Variants in ETFRF1 observed in about 807,000 individuals in gnomAD.
ETFRF1 encodes the protein electron transfer flavoprotein regulatory factor 1.
A neutral mutation model predicts 9.0 loss-of-function variants in ETFRF1; 12 were observed. That is an observed-to-expected ratio of 1.34 (90% CI 0.86 to 2.16). The LOEUF is 2.16. Among genes scored for constraint, ETFRF1 ranks in the 30% most tolerant of loss-of-function variants. ETFRF1 has a pLI of 0.00. For missense variants in ETFRF1, 98 were observed against 101.8 expected, an observed-to-expected ratio of 0.96 and a Z score of 0.16; for synonymous variants, 34 against 33.2, an observed-to-expected ratio of 1.02 and a Z score of -0.08.
At chr12:25,196,366 C>T (rs1394764230) in intron 1 of ETFRF1, among the ~76,000 whole-genome samples, 1 of 152,202 alleles carries the variant, frequency 6.6e-6, no homozygotes, top group Non-Finnish European at 1.5e-5. Context: ...CCTCAGTCAA[C>T]TCAAGTTAGG....
rs1206752890 is a variant in ETFRF1, at chr12:25,204,816, G to GAAAT, written c.*511_*514dup. The GAAAT allele has an allele frequency of 5.3e-6, 1 of 189,166 alleles. No homozygotes were observed. Among genetic ancestry groups the GAAAT allele is most frequent in the Non-Finnish European group, 1.1e-5 (1 of 89,516 alleles). 11.7% of individuals were successfully genotyped at this position (189,166 alleles called of 1,614,324 possible). On this transcript the variant is annotated 3_prime_UTR_variant, in exon 3 of 3. Coordinates refer to ENST00000381356, the MANE Select transcript of ETFRF1 (RefSeq NM_001001660.3). ...TGGTAATGATTTAAATGTAGTTATA[G>GAAAT]AAATAAATAATATGTATGGAGTCAT...
rs566961007 is a variant in ETFRF1, at chr12:25,196,577, T to C, written c.-38+1240T>C. 2.0e-5 allele frequency among the ~76,000 whole-genome samples: 3 copies of C among 152,316 alleles called. No homozygotes were observed. In the South Asian group the frequency reaches 6.2e-4, roughly 32 times the overall value. ...TGGAACTGGTTAAGTCCTAACTCCT[T>C]AGCCTAGAATGACAGGGGGAAAAAA... On this transcript the variant is annotated intron_variant, in intron 1 of 2. Transcript: ENST00000381356.
At chr12:25,199,374 CTATA>C (rs1430290567) in intron 1 of ETFRF1, among the ~76,000 whole-genome samples, 3 of 148,454 alleles carry the variant, frequency 2.0e-5, no homozygotes, top group African/African-American at 4.9e-5. Flanking sequence ...TAGTACATAA[CTATA>C]TATGTACTAC....
rs1951112137 is a variant in ETFRF1, at chr12:25,204,584, C to G, written c.*272C>G. On this transcript the variant is annotated 3_prime_UTR_variant, in exon 3 of 3. Coordinates refer to ENST00000381356, the MANE Select transcript of ETFRF1 (RefSeq NM_001001660.3). ...GAATGAAAATATAATACACTTAATCCTCTAACTTAATAGGACTTAGCCAAT... is the reference window on the plus strand; with the variant it reads ...GAATGAAAATATAATACACTTAATCGTCTAACTTAATAGGACTTAGCCAAT... 3.7e-6 allele frequency: 1 copy of G among 271,224 alleles called. No individual in the cohort carries two copies. The highest frequency in any genetic ancestry group is 5.2e-5 in the Admixed American group (1 of 19,116). 16.8% of individuals were successfully genotyped at this position (271,224 alleles called of 1,614,324 possible).
intron 1 of ETFRF1, among the ~76,000 whole-genome samples, chr12:25,197,435 G>C (rs933152735): frequency 8.5e-5 from 13 of 152,164 alleles, no homozygotes; most frequent in African/African-American, 3.1e-4. Context: ...TAAATTATGT[G>C]AAAAGAACAT....
intron 1 of ETFRF1, among the ~76,000 whole-genome samples, chr12:25,200,093 C>T (rs1592786305): frequency 6.6e-6 from 1 of 152,138 alleles, no homozygotes; most frequent in African/African-American, 2.4e-5. Flanking sequence ...ACCTGTAATT[C>T]CAGCTACTTG....
chr12:25,201,604 T>G (rs1025547060), intron 1 of ETFRF1, among the ~76,000 whole-genome samples: 1 of 152,150 alleles, frequency 6.6e-6, no homozygotes, highest in African/African-American at 2.4e-5. Flanking sequence ...TTACTTTAAT[T>G]TGTACATTCA....
chr12:25,199,376 A>G (rs1951056413), intron 1 of ETFRF1, among the ~76,000 whole-genome samples: 1 of 149,484 alleles, frequency 6.7e-6, no homozygotes, highest in Admixed American at 6.7e-5. Context: ...GTACATAACT[A>G]TATATGTACT....
chr12:25,200,861 C>T (rs1951068680), intron 1 of ETFRF1, among the ~76,000 whole-genome samples: 1 of 152,224 alleles, frequency 6.6e-6, no homozygotes, highest in Admixed American at 6.5e-5. Flanking sequence ...TCCAGCACCA[C>T]AGTTGTGCTT....
intron 1 of ETFRF1, among the ~76,000 whole-genome samples, chr12:25,203,083 A>G (rs1480168200): frequency 3.9e-5 from 6 of 152,224 alleles, no homozygotes; most frequent in African/African-American, 1.4e-4. Context: ...TTTACAATGG[A>G]CAATCTTAGC....
At chr12:25,196,939 G>A (rs1951029062) in intron 1 of ETFRF1, among the ~76,000 whole-genome samples, 1 of 152,112 alleles carries the variant, frequency 6.6e-6, no homozygotes, top group African/African-American at 2.4e-5. Flanking sequence ...TGGATCACGA[G>A]GTCTGGAGAT....
At chr12:25,202,299 C>T (rs766715050) in intron 1 of ETFRF1, among the ~76,000 whole-genome samples, 4 of 151,430 alleles carry the variant, frequency 2.6e-5, no homozygotes, top group Non-Finnish European at 4.4e-5. Flanking sequence ...TTACGTGGGG[C>T]TGAGCAAGGC....
Position 25,204,261 on chromosome 12 carries a change from A to C in ETFRF1, c.222A>C (p.Lys74Asn), listed in dbSNP as rs745961756. ...TAGAAGCTTTGTACTTCCTTAGGAA[A>C]TACAGAGCTATGAAACAACGCTATT... Reference protein sequence around the residue: ...KELEALYFLRKYRAMKQRYYS... With the variant: ...KELEALYFLRNYRAMKQRYYS... The change falls in exon 3 of 3, where the codon AAA (lysine) becomes AAC (asparagine). Residue 74 changes from lysine to asparagine, a missense_variant. By Grantham distance (94) the Lys-to-Asn change is moderately conservative. Transcript: ENST00000381356. 1 of 1,600,402 alleles carries C rather than the reference A, an allele frequency of 6.2e-7. No individual in the cohort carries two copies. The highest frequency in any genetic ancestry group is 2.2e-5 in the East Asian group (1 of 44,710).
chr12:25,202,595 C>T (rs1408029203), intron 1 of ETFRF1, among the ~76,000 whole-genome samples: 1 of 152,006 alleles, frequency 6.6e-6, no homozygotes, highest in Non-Finnish European at 1.5e-5. Context: ...GAAGAGAAGA[C>T]CATGCATGTG....
intron 1 of ETFRF1, 25 bp from the exon 2 acceptor site, chr12:25,203,895 T>C (rs1465871208): frequency 7.6e-7 from 1 of 1,323,528 alleles, no homozygotes; most frequent in Non-Finnish European, 1.0e-6. Context: ...TGCAGCTAAT[T>C]GCAAAAAAAT....
chr12:25,199,985 G>A (rs1951062197), intron 1 of ETFRF1, among the ~76,000 whole-genome samples: 1 of 152,134 alleles, frequency 6.6e-6, no homozygotes, highest in Non-Finnish European at 1.5e-5. Flanking sequence ...CAAGGAGAGT[G>A]GATCACCTCA....
chr12:25,195,312 C>T lies in ETFRF1; in HGVS notation c.-63C>T. On this transcript the variant is annotated 5_prime_UTR_variant, in exon 1 of 3. Coordinates refer to ENST00000381356, the MANE Select transcript of ETFRF1 (RefSeq NM_001001660.3). The stretch of plus-strand genomic sequence containing the variant: ...GACAGAGGAGTCGTAGCGGTCGAGG[C>T]TTTTGCGGCTCCGGCGTGCCGGAAA... 3.3e-6 allele frequency: 2 copies of T among 605,522 alleles called. No homozygotes were observed. The highest frequency in any genetic ancestry group is 5.9e-6 in the Non-Finnish European group (2 of 340,738). 37.5% of individuals were successfully genotyped at this position (605,522 alleles called of 1,614,324 possible).
chr12:25,204,354 G>A lies in ETFRF1; in HGVS notation c.*42G>A, dbSNP rs751965066. The A allele has an allele frequency of 2.8e-6, 4 of 1,421,824 alleles. No homozygotes were observed. In the South Asian group the frequency reaches 4.4e-5, roughly 16 times the overall value. 88.1% of individuals were successfully genotyped at this position (1,421,824 alleles called of 1,614,324 possible). A position where few individuals can be genotyped will look rare whatever the true frequency, so the allele number is the denominator to read the frequency against. ...TTAGCTATCAGTGCCAGCTGTTTATGTATACCAGATGTTGTAAAATAATTC... is the reference window on the plus strand; with the variant it reads ...TTAGCTATCAGTGCCAGCTGTTTATATATACCAGATGTTGTAAAATAATTC... On this transcript the variant is annotated 3_prime_UTR_variant, in exon 3 of 3. Coordinates refer to ENST00000381356, the MANE Select transcript of ETFRF1 (RefSeq NM_001001660.3).
Position 25,203,859 on chromosome 12 carries a change from C to CT in ETFRF1, c.-37-54dup, listed in dbSNP as rs373549154. On this transcript the variant is annotated intron_variant, in intron 1 of 2. Transcript: ENST00000381356. The stretch of plus-strand genomic sequence containing the variant: ...TTACCATTTTCTCAATGTGTATAAC[C>CT]TTTTTTTATTTTTTTAAGACTACAA... The CT allele has an allele frequency of 8.2e-6, 8 of 977,096 alleles. No homozygotes were observed. In the South Asian group the frequency reaches 1.4e-4, roughly 17 times the overall value. The allele number at this position is 977,096 out of a possible 1,614,324, so 60.5% of individuals were successfully genotyped here. A position where few individuals can be genotyped will look rare whatever the true frequency, so the allele number is the denominator to read the frequency against.
Sources: allele counts gnomAD v4.1 joint callset (sites outside exome capture counted in the v4.1 genomes callset), GRCh38; gene constraint gnomAD v4.1.1; transcripts MANE v1.5; gene names NCBI Gene and HGNC (gene_info 2026-07-23, HGNC 2026-07-21).